The following KHDRBS2 variants were observed in gnomAD, a reference collection of about 807,000 sequenced individuals.
The protein encoded by KHDRBS2 is KH RNA binding domain containing, signal transduction associated 2.
A neutral mutation model predicts 44.3 loss-of-function variants in KHDRBS2; 26 were observed. The ratio of observed to expected loss-of-function variants is 0.59; its 90% CI spans 0.43 to 0.81. The LOEUF is 0.81. Among genes scored for constraint, KHDRBS2 ranks in the 40% least tolerant of loss-of-function variants. The probability of loss-of-function intolerance (pLI) is 0.00; values close to 1 mark genes in which losing one functional copy is unlikely to be tolerated. For missense variants in KHDRBS2, 476 were observed against 433.1 expected (o/e 1.10, Z -0.88); for synonymous variants, 194 against 151.1 (o/e 1.28, Z -2.08).
the KHDRBS2 span, among the ~76,000 whole-genome samples, chr6:61,659,548 T>C: frequency 1.3e-5 from 2 of 151,800 alleles, no homozygotes; most frequent in African/African-American, 2.4e-5. Flanking sequence ...AACTAGTCAC[T>C]CAACAAATCA....
chr6:61,717,806 A>G (rs1288212056), intron 7 of KHDRBS2, among the ~76,000 whole-genome samples: 1 of 152,118 alleles, frequency 6.6e-6, no homozygotes, highest in Non-Finnish European at 1.5e-5. Flanking sequence ...TCTTTTGGTC[A>G]GAACTTTTTG....
the KHDRBS2 span, among the ~76,000 whole-genome samples, chr6:61,597,989 C>T: frequency 6.7e-6 from 1 of 148,448 alleles, no homozygotes. Context: ...AATTAAATAT[C>T]TAAGGAGCAA....
intron 3 of KHDRBS2, among the ~76,000 whole-genome samples, chr6:61,991,223 C>G (rs1175069652): frequency 6.6e-6 from 1 of 152,148 alleles, no homozygotes; most frequent in Non-Finnish European, 1.5e-5. Context: ...TAAGAAGTCT[C>G]AATAGCCTAA....
Position 61,839,126 on chromosome 6 carries a change from G to A in KHDRBS2, c.810+55509C>T, listed in dbSNP as rs116552339. Among the ~76,000 whole-genome samples, 353 of 152,090 alleles carry A rather than the reference G, an allele frequency of 2.3e-3. 3 individuals carry two copies. In the South Asian group the frequency reaches 0.025, roughly 11 times the overall value. ...AGATCTCATTTTATAGAGATGGGGT[G>A]GGGGAAACCACAGAAACTTCTTAAT... On this transcript the variant is annotated intron_variant, in intron 6 of 8. Transcript: ENST00000281156.
chr6:62,162,526 G>T (rs530216507), intron 2 of KHDRBS2, among the ~76,000 whole-genome samples: 1 of 152,078 alleles, frequency 6.6e-6, no homozygotes, highest in Non-Finnish European at 1.5e-5. Flanking sequence ...AGGGGATAAT[G>T]GTTGGGAGAT....
intron 7 of KHDRBS2, among the ~76,000 whole-genome samples, chr6:61,716,023 C>T (rs1425078615): frequency 6.6e-6 from 1 of 150,806 alleles, no homozygotes; most frequent in East Asian, 1.9e-4. Flanking sequence ...CACCCACTGA[C>T]AGGTAAAGAC....
At chr6:61,594,500 A>G in the KHDRBS2 span, among the ~76,000 whole-genome samples, 1 of 152,122 alleles carries the variant, frequency 6.6e-6, no homozygotes. Context: ...TTTAGGAAAA[A>G]AAGCATCAGA....
At chr6:61,814,453 A>G (rs1224151474) in intron 6 of KHDRBS2, among the ~76,000 whole-genome samples, 1 of 151,934 alleles carries the variant, frequency 6.6e-6, no homozygotes, top group African/African-American at 2.4e-5. Context: ...CTAAAAATAC[A>G]AAAATAAGCT....
At chr6:61,644,005 T>C in the KHDRBS2 span, among the ~76,000 whole-genome samples, 1 of 152,148 alleles carries the variant, frequency 6.6e-6, no homozygotes. Context: ...AAGGCAATCA[T>C]AAGCAAAAAG....
chr6:61,636,179 G>T, the KHDRBS2 span, among the ~76,000 whole-genome samples: 1 of 151,994 alleles, frequency 6.6e-6, no homozygotes, highest in Non-Finnish European at 1.5e-5. Context: ...TTTTGAAAAT[G>T]ATGCTTTATT....
chr6:62,025,065 T>C (rs1427212318), intron 3 of KHDRBS2, among the ~76,000 whole-genome samples: 4 of 151,820 alleles, frequency 2.6e-5, no homozygotes, highest in Admixed American at 1.3e-4. Context: ...AATATGTCTA[T>C]ATCTAGAAAT....
intron 4 of KHDRBS2, among the ~76,000 whole-genome samples, chr6:61,936,845 A>T (rs1811118568): frequency 6.6e-6 from 1 of 151,944 alleles, no homozygotes; most frequent in South Asian, 2.1e-4. Flanking sequence ...AGTAATTTAT[A>T]TTTATTTGTA....
chr6:62,148,919 G>C (rs1208544073), intron 2 of KHDRBS2, among the ~76,000 whole-genome samples: 1 of 152,018 alleles, frequency 6.6e-6, no homozygotes, highest in Non-Finnish European at 1.5e-5. Flanking sequence ...CCCCCTTCAC[G>C]TGTGAATGGC....
chr6:61,907,943 G>T (rs963030934), intron 4 of KHDRBS2, among the ~76,000 whole-genome samples: 6 of 152,080 alleles, frequency 3.9e-5, no homozygotes, highest in Non-Finnish European at 2.9e-5. Context: ...AGTTTAGCTT[G>T]GAAACATTAT....
chr6:61,928,027 T>C lies in KHDRBS2; in HGVS notation c.484-26656A>G, dbSNP rs538575188. ...TATCTTTGAAAGATATGAAGTATTT[T>C]TCTGGTGGTCAGAGGAAATACCTGC... On this transcript the variant is annotated intron_variant, in intron 4 of 8. Coordinates refer to ENST00000281156, the MANE Select transcript of KHDRBS2 (RefSeq NM_152688.4). Among the ~76,000 whole-genome samples, 8 of 152,256 alleles carry C rather than the reference T, an allele frequency of 5.3e-5. No homozygotes were observed. The South Asian group carries it at 8.3e-4, about 16-fold the overall frequency.
At chr6:61,647,486 C>T in the KHDRBS2 span, among the ~76,000 whole-genome samples, 1 of 152,056 alleles carries the variant, frequency 6.6e-6, no homozygotes, top group Admixed American at 6.6e-5. Context: ...TGTTTGTTAA[C>T]CATTCCTCCC....
chr6:61,946,727 T>C (rs1296492750), intron 4 of KHDRBS2, among the ~76,000 whole-genome samples: 1 of 152,134 alleles, frequency 6.6e-6, no homozygotes, highest in African/African-American at 2.4e-5. Flanking sequence ...GCTAGCATTA[T>C]GGAGGAGGAA....
At chr6:61,848,476 TA>T (rs1794756152) in intron 6 of KHDRBS2, among the ~76,000 whole-genome samples, 1 of 51,470 alleles carries the variant, frequency 1.9e-5, no homozygotes, top group Non-Finnish European at 3.4e-5. Flanking sequence ...GTTTTATATA[TA>T]TATATATATA....
chr6:61,988,826 A>G (rs942106648), intron 3 of KHDRBS2, among the ~76,000 whole-genome samples: 4 of 152,202 alleles, frequency 2.6e-5, no homozygotes, highest in African/African-American at 9.7e-5. Context: ...CAACAACCAT[A>G]TCTACACTAA....
Sources: allele counts gnomAD v4.1 joint callset (sites outside exome capture counted in the v4.1 genomes callset), GRCh38; gene constraint gnomAD v4.1.1; transcripts MANE v1.5; gene names NCBI Gene and HGNC (gene_info 2026-07-23, HGNC 2026-07-21).